The following BUB1B variants were observed in gnomAD, a reference collection of about 807,000 sequenced individuals.
The protein encoded by BUB1B is BUB1 mitotic checkpoint serine/threonine kinase B.
In BUB1B, 86 loss-of-function variants were observed where a neutral mutation model predicts 137.7. The ratio of observed to expected loss-of-function variants is 0.62; its 90% CI spans 0.52 to 0.75. The LOEUF (loss-of-function observed/expected upper bound fraction) is 0.75, where lower values mean the gene tolerates loss of function less well. Ranked by LOEUF, BUB1B falls within the 30% of genes least tolerant of loss-of-function variation. BUB1B has a pLI of 0.00. For missense variants in BUB1B, 1,130 were observed against 1,236.9 expected (o/e 0.91, Z 1.30); for synonymous variants, 420 against 417.9 (o/e 1.00, Z -0.06).
chr15:40,206,545 A>G (rs2037639729), intron 15 of BUB1B, 87 bp downstream of exon 15: 13 of 1,544,696 alleles, frequency 8.4e-6, no homozygotes, highest in Non-Finnish European at 1.1e-5. Context: ...TCAGTTATCA[A>G]GTTCTTACTA....
At position 40,186,652 on chromosome 15, in the gene BUB1B, A is replaced by G. The variant is rs143937840; in HGVS notation, c.1058+1010A>G. 5.7e-3 allele frequency among the ~76,000 whole-genome samples: 862 copies of G among 150,332 alleles called. 17 individuals carry two copies. Among genetic ancestry groups the G allele is most frequent in the Admixed American group, 0.033 (502 of 15,110 alleles). ...AGTGGACACGGGGTTTCACCGTGTT[A>G]GCCAGGATGGTCTCGATCTCCTGAC... On this transcript the variant is annotated intron_variant, in intron 8 of 22. Transcript: ENST00000287598.
intron 15 of BUB1B, 43 bp from the exon 16 acceptor site, chr15:40,208,594 T>C (rs1203471294): frequency 1.8e-5 from 27 of 1,534,656 alleles, no homozygotes; most frequent in Non-Finnish European, 2.4e-5. Context: ...AAAGTTGATA[T>C]ATATTATTCC....
intron 3 of BUB1B, 27 bp downstream of exon 3, chr15:40,170,148 A>T (rs370352952): frequency 6.7e-5 from 107 of 1,589,690 alleles, no homozygotes; most frequent in Non-Finnish European, 9.1e-5. Context: ...CACAAGGACA[A>T]TAGAAACATT....
At chr15:40,163,993 A>T (rs530741365) in intron 1 of BUB1B, among the ~76,000 whole-genome samples, 4 of 152,206 alleles carry the variant, frequency 2.6e-5, no homozygotes, top group Non-Finnish European at 4.4e-5. Flanking sequence ...TCTTAGAAAT[A>T]GTCTTCTATC....
At chr15:40,197,800 G>T (rs138830137) in intron 9 of BUB1B, among the ~76,000 whole-genome samples, 28 of 152,276 alleles carry the variant, frequency 1.8e-4, no homozygotes, top group African/African-American at 6.5e-4. Context: ...AGTGCTCTGG[G>T]TTCAAATGGA....
At chr15:40,168,891 C>G (rs1213628490) in intron 2 of BUB1B, among the ~76,000 whole-genome samples, 2 of 152,140 alleles carry the variant, frequency 1.3e-5, no homozygotes, top group Non-Finnish European at 2.9e-5. Context: ...AGAGTCTCAC[C>G]TTCTGAGGCT....
At position 40,170,805 on chromosome 15, in the gene BUB1B, A is replaced by AT. The variant is rs11415268; in HGVS notation, c.384+127dup. 0.012 allele frequency: 11,008 copies of AT among 933,558 alleles called. 843 individuals carry two copies. In the African/African-American group the frequency reaches 0.16, roughly 14 times the overall value. 57.8% of individuals were successfully genotyped at this position (933,558 alleles called of 1,614,324 possible). A position where few individuals can be genotyped will look rare whatever the true frequency, so the allele number is the denominator to read the frequency against. On this transcript the variant is annotated intron_variant, in intron 4 of 22. Transcript: ENST00000287598. ...TTGAACCATTTAGTAGATTGGAAAC[A>AT]TTTAATAAATATGCAATACTTCTTA...
In BUB1B at chr15:40,206,566, A is replaced by T. The variant is rs1197899367; in HGVS notation, c.2009+108A>T. On this transcript the variant is annotated intron_variant, in intron 15 of 22. Transcript: ENST00000287598. The stretch of plus-strand genomic sequence containing the variant: ...ATCAAGTTCTTACTAACTGCCAGGT[A>T]CTGTGCTAAGTGCTTTACATGAGAG... The T allele has an allele frequency of 3.5e-6, 5 of 1,413,010 alleles. No individual in the cohort carries two copies. The Admixed American group carries it at 8.8e-5, about 25-fold the overall frequency. 87.5% of individuals were successfully genotyped at this position (1,413,010 alleles called of 1,614,324 possible). A position where few individuals can be genotyped will look rare whatever the true frequency, so the allele number is the denominator to read the frequency against.
At position 40,185,196 on chromosome 15, in the gene BUB1B, A is replaced by C; in HGVS notation, c.783A>C (p.Pro261=). The C allele has an allele frequency of 1.2e-6, 2 of 1,614,160 alleles. No individual in the cohort carries two copies. ...GCCAGAACAGAGGACTCCAAAATCC[A>C]TTTCCTCAACAGATGCAAAATAATA... ...APSQNRGLQN[P]FPQQMQNNSR... The change falls in exon 7 of 23, where the codon CCA becomes CCC. Residue 261 remains proline, a synonymous_variant. Coordinates refer to ENST00000287598, the MANE Select transcript of BUB1B (RefSeq NM_001211.6).
chr15:40,183,906 C>T lies in BUB1B; in HGVS notation c.751+23C>T, dbSNP rs566682423. Reference sequence around the variant, plus strand: ...AGGGTAAGTTTGTTAAACGTTATTTCGGAAAACTGTTAGTTTCTAGTGGTA... The same window carrying T: ...AGGGTAAGTTTGTTAAACGTTATTTTGGAAAACTGTTAGTTTCTAGTGGTA... On this transcript the variant is annotated intron_variant, in intron 6 of 22. Coordinates refer to ENST00000287598, the MANE Select transcript of BUB1B (RefSeq NM_001211.6). The T allele has an allele frequency of 5.7e-5, 92 of 1,611,364 alleles. No homozygotes were observed. The South Asian group carries it at 9.6e-4, about 17-fold the overall frequency.
chr15:40,218,732 G>C (rs1011617311), intron 22 of BUB1B, among the ~76,000 whole-genome samples, 170 bp downstream of exon 22: 2 of 152,160 alleles, frequency 1.3e-5, no homozygotes, highest in Non-Finnish European at 2.9e-5. Flanking sequence ...CAGGAAAAAG[G>C]AACTGCTTAC....
chr15:40,170,044 T>C lies in BUB1B; in HGVS notation c.180-18T>C, dbSNP rs2037143930. 1.9e-6 allele frequency: 3 copies of C among 1,608,200 alleles called. No individual in the cohort carries two copies. The highest frequency in any genetic ancestry group is 1.7e-5 in the Admixed American group (1 of 59,996). On this transcript the variant is annotated intron_variant, in intron 2 of 22. Transcript: ENST00000287598. ...TTGTCACTATTGCATATGCTAACTTTTTCTGTTTACATTTCAGGGCATTTG... is the reference window on the plus strand; with the variant it reads ...TTGTCACTATTGCATATGCTAACTTCTTCTGTTTACATTTCAGGGCATTTG...
At chr15:40,202,809 A>T in intron 14 of BUB1B, 115 bp downstream of exon 14, 4 of 892,306 alleles carry the variant, frequency 4.5e-6, no homozygotes, top group Non-Finnish European at 7.4e-6. Context: ...ACATGAAAAG[A>T]TGCTCAGCAT....
At chr15:40,167,007 G>T (rs1178551523) in intron 2 of BUB1B, among the ~76,000 whole-genome samples, 1 of 152,004 alleles carries the variant, frequency 6.6e-6, no homozygotes, top group Admixed American at 6.5e-5. Context: ...CTTTTCCCAG[G>T]AGTATAGATT....
chr15:40,167,429 G>A (rs1410192473), intron 2 of BUB1B, among the ~76,000 whole-genome samples: 6 of 124,740 alleles, frequency 4.8e-5, no homozygotes, highest in Admixed American at 4.1e-4. Context: ...TGCAACCTCC[G>A]CCTCCCGGGT....
At position 40,165,112 on chromosome 15, in the gene BUB1B, T is replaced by A; in HGVS notation, c.95T>A (p.Leu32Ter). The change falls in exon 2 of 23, where the codon TTA becomes TAA. Residue 32 changes from leucine (L) to a stop codon, truncating the protein, a stop_gained. Transcript: ENST00000287598. LOFTEE classifies it high-confidence loss of function. ...WELSKENVQPLRQGRIMSTLQ... is the reference protein window; with the variant it reads ...WELSKENVQP ...CTGAGTAAAGAAAATGTACAACCTT[T>A]AAGGCAAGGGCGGATCATGTCCACG... The A allele has an allele frequency of 6.2e-7, 1 of 1,614,176 alleles. No homozygotes were observed. Among genetic ancestry groups the A allele is most frequent in the South Asian group, 1.1e-5 (1 of 91,082 alleles).
intron 14 of BUB1B, among the ~76,000 whole-genome samples, chr15:40,202,934 GA>G (rs1164305290): frequency 6.6e-6 from 1 of 152,190 alleles, no homozygotes; most frequent in African/African-American, 2.4e-5. Context: ...AAATTGTGGA[GA>G]AATTAGAACA....
chr15:40,197,636 G>A (rs1290733164), intron 9 of BUB1B, among the ~76,000 whole-genome samples: 1 of 152,202 alleles, frequency 6.6e-6, no homozygotes, highest in African/African-American at 2.4e-5. Context: ...TGTGGGGTTA[G>A]CTGGGAAACT....
At chr15:40,169,235 T>C (rs918289072) in intron 2 of BUB1B, among the ~76,000 whole-genome samples, 5 of 152,216 alleles carry the variant, frequency 3.3e-5, no homozygotes, top group East Asian at 1.9e-4. Flanking sequence ...CTCCAAATTA[T>C]TTATAGTATT....
Sources: allele counts gnomAD v4.1 joint callset (sites outside exome capture counted in the v4.1 genomes callset), GRCh38; gene constraint gnomAD v4.1.1; transcripts MANE v1.5; gene names NCBI Gene and HGNC (gene_info 2026-07-23, HGNC 2026-07-21).